EFL1: variants seen among roughly 807,000 people sequenced by gnomAD.
EFL1 encodes elongation factor-like GTPase 1.
A neutral mutation model predicts 126.7 loss-of-function variants in EFL1; 76 were observed. The ratio of observed to expected loss-of-function variants is 0.60; its 90% CI spans 0.50 to 0.73. EFL1 has a LOEUF of 0.73. Ranked by LOEUF, EFL1 falls within the 30% of genes least tolerant of loss-of-function variation. EFL1 has a pLI of 0.00. For synonymous variants in EFL1, 410 were observed against 448.4 expected, an observed-to-expected ratio of 0.91 and a Z score of 1.08; for missense variants, 1,128 against 1,343.2, an observed-to-expected ratio of 0.84 and a Z score of 2.50.
chr15:82,253,346 C>CTT (rs199923307), intron 3 of EFL1, among the ~76,000 whole-genome samples: 2 of 143,138 alleles, frequency 1.4e-5, no homozygotes, highest in African/African-American at 2.5e-5. Context: ...AGCCCTCTCT[C>CTT]TTTTTTTTTT....
At chr15:82,205,345 T>C (rs2074513616) in intron 15 of EFL1, among the ~76,000 whole-genome samples, 1 of 152,264 alleles carries the variant, frequency 6.6e-6, no homozygotes, top group Non-Finnish European at 1.5e-5. Flanking sequence ...TCCATGCATC[T>C]ACCAGTTTTC....
intron 15 of EFL1, among the ~76,000 whole-genome samples, chr15:82,203,249 A>T (rs2074489428): frequency 6.6e-6 from 1 of 152,218 alleles, no homozygotes; most frequent in Admixed American, 6.5e-5. Context: ...ATTTCTCCTC[A>T]GTCATGTCCT....
intron 17 of EFL1, 36 bp downstream of exon 17, chr15:82,157,677 G>C: frequency 6.3e-7 from 1 of 1,589,560 alleles, no homozygotes; most frequent in South Asian, 1.1e-5. Flanking sequence ...TTGATTGAGA[G>C]CTATCATTTC....
chr15:82,211,653 C>T (rs1281491116), intron 15 of EFL1, among the ~76,000 whole-genome samples: 6 of 145,132 alleles, frequency 4.1e-5, no homozygotes, highest in Non-Finnish European at 9.0e-5. Flanking sequence ...CTGTCTTAAA[C>T]TTACTCCTAG....
At chr15:82,187,050 C>T (rs1463131321) in intron 15 of EFL1, among the ~76,000 whole-genome samples, 1 of 152,138 alleles carries the variant, frequency 6.6e-6, no homozygotes, top group Admixed American at 6.5e-5. Flanking sequence ...TTTTGTTATA[C>T]CTTCTTACAG....
At chr15:82,194,106 T>TA (rs1363574346) in intron 15 of EFL1, among the ~76,000 whole-genome samples, 3 of 152,322 alleles carry the variant, frequency 2.0e-5, no homozygotes, top group Non-Finnish European at 4.4e-5. Context: ...TAGGTGAGTT[T>TA]AAAACAGATC....
At chr15:82,141,282 T>C (rs535471017) in intron 18 of EFL1, among the ~76,000 whole-genome samples, 1 of 152,340 alleles carries the variant, frequency 6.6e-6, no homozygotes, top group Admixed American at 6.5e-5. Context: ...TTTAGTTATA[T>C]ATTATTTGTC....
chr15:82,167,578 T>C (rs2074092793), intron 15 of EFL1, among the ~76,000 whole-genome samples: 1 of 152,184 alleles, frequency 6.6e-6, no homozygotes, highest in Non-Finnish European at 1.5e-5. Flanking sequence ...CACCTTCTGT[T>C]GAAAACTTTT....
At chr15:82,225,899 A>T (rs1426481737) in intron 11 of EFL1, among the ~76,000 whole-genome samples, 2 of 152,182 alleles carry the variant, frequency 1.3e-5, no homozygotes, top group African/African-American at 2.4e-5. Context: ...GAATTTTTTT[A>T]AAACAATTCC....
chr15:82,193,479 G>A lies in EFL1; in HGVS notation c.1750+21238C>T, dbSNP rs1166657361. 3.9e-5 allele frequency among the ~76,000 whole-genome samples: 6 copies of A among 152,258 alleles called. No homozygotes were observed. The Middle Eastern group carries it at 0.01, about 259-fold the overall frequency. On this transcript the variant is annotated intron_variant, in intron 15 of 19. Transcript: ENST00000268206. ...CAAAGTCAAAGATAACTATTTTCTA[G>A]TTATCAAAGGCTTCTATTCATGAGA...
At chr15:82,184,634 C>T (rs974020285) in intron 15 of EFL1, among the ~76,000 whole-genome samples, 1 of 152,196 alleles carries the variant, frequency 6.6e-6, no homozygotes, top group Non-Finnish European at 1.5e-5. Flanking sequence ...GCAAACTGCC[C>T]AAGTTAGCAT....
At chr15:82,212,765 C>A (rs1471043920) in intron 15 of EFL1, among the ~76,000 whole-genome samples, 1 of 152,184 alleles carries the variant, frequency 6.6e-6, no homozygotes, top group African/African-American at 2.4e-5. Flanking sequence ...ACTACAGAGG[C>A]TGGAAGAGTA....
At chr15:82,178,446 T>C (rs1212752381) in intron 15 of EFL1, among the ~76,000 whole-genome samples, 1 of 152,144 alleles carries the variant, frequency 6.6e-6, no homozygotes, top group Non-Finnish European at 1.5e-5. Flanking sequence ...TCTGCAGTAG[T>C]TTCTGGAGTA....
chr15:82,172,412 T>C (rs1404987208), intron 15 of EFL1, among the ~76,000 whole-genome samples: 1 of 152,174 alleles, frequency 6.6e-6, no homozygotes, highest in Non-Finnish European at 1.5e-5. Context: ...GGTGATTTAG[T>C]GAGTGACTGG....
intron 15 of EFL1, among the ~76,000 whole-genome samples, chr15:82,165,028 G>C (rs1293690275): frequency 6.6e-6 from 1 of 152,078 alleles, no homozygotes; most frequent in African/African-American, 2.4e-5. Context: ...TGTAATCCCA[G>C]CACTTTGGGA....
intron 7 of EFL1, among the ~76,000 whole-genome samples, chr15:82,234,718 A>G (rs1005281438): frequency 2.0e-5 from 3 of 152,098 alleles, no homozygotes; most frequent in African/African-American, 7.2e-5. Flanking sequence ...TTTCTTTCCA[A>G]TTCTAAGTCA....
intron 17 of EFL1, among the ~76,000 whole-genome samples, chr15:82,153,353 C>A (rs1427086632): frequency 1.3e-5 from 2 of 151,934 alleles, no homozygotes; most frequent in African/African-American, 4.8e-5. Context: ...TCAAACCTGA[C>A]AAAGACAGTA....
At chr15:82,253,702 T>A (rs181034012) in intron 3 of EFL1, among the ~76,000 whole-genome samples, 1 of 152,140 alleles carries the variant, frequency 6.6e-6, no homozygotes, top group African/African-American at 2.4e-5. Flanking sequence ...ACATCTTTTT[T>A]AAAAAAAGAA....
intron 11 of EFL1, 37 bp downstream of exon 11, chr15:82,227,413 T>C (rs2074775405): frequency 3.1e-6 from 5 of 1,613,744 alleles, no homozygotes; most frequent in Admixed American, 1.7e-5. Flanking sequence ...GGACAGTCAA[T>C]GACATGGTAT....
Sources: allele counts gnomAD v4.1 joint callset (sites outside exome capture counted in the v4.1 genomes callset), GRCh38; gene constraint gnomAD v4.1.1; transcripts MANE v1.5; gene names NCBI Gene and HGNC (gene_info 2026-07-23, HGNC 2026-07-21).